The following ELMO1 variants were observed in gnomAD, a reference collection of about 807,000 sequenced individuals.
ELMO1 encodes engulfment and cell motility 1, also known as engulfment and cell motility protein 1.
ELMO1 carries 26 observed loss-of-function variants against 98.9 expected under a neutral mutation model. That is an observed-to-expected ratio of 0.26 (90% CI 0.19 to 0.36). ELMO1 has a LOEUF of 0.36. ELMO1 is among the 10% of genes least tolerant of loss of function. The pLI is 1.00. For missense variants in ELMO1, 627 were observed against 935.2 expected (o/e 0.67, Z 4.30); for synonymous variants, 346 against 346.0 (o/e 1.00, Z 0.00).
At chr7:37,345,643 G>T (rs1324439807) in intron 1 of ELMO1, among the ~76,000 whole-genome samples, 1 of 151,592 alleles carries the variant, frequency 6.6e-6, no homozygotes, top group Non-Finnish European at 1.5e-5. Context: ...GGAGGTGGAG[G>T]TTGCAGGGGA....
intron 15 of ELMO1, among the ~76,000 whole-genome samples, chr7:37,045,671 T>C (rs1172607754): frequency 6.6e-6 from 1 of 152,178 alleles, no homozygotes; most frequent in East Asian, 1.9e-4. Flanking sequence ...ATTTATGCAG[T>C]GCCTCATTCC....
intron 2 of ELMO1, among the ~76,000 whole-genome samples, chr7:37,333,368 A>C (rs1800235268): frequency 6.6e-6 from 1 of 152,224 alleles, no homozygotes; most frequent in Non-Finnish European, 1.5e-5. Context: ...AAGAAAACAT[A>C]GTTAATACAA....
chr7:37,309,270 A>G (rs1237115575), intron 4 of ELMO1, among the ~76,000 whole-genome samples: 1 of 152,186 alleles, frequency 6.6e-6, no homozygotes, highest in African/African-American at 2.4e-5. Flanking sequence ...TTATAGAACC[A>G]TCAGCTCTCA....
chr7:36,895,104 C>T (rs959018235), intron 16 of ELMO1, 87 bp from the exon 17 acceptor site: 24 of 1,490,958 alleles, frequency 1.6e-5, no homozygotes, highest in Non-Finnish European at 2.1e-5. Flanking sequence ...CTCCCTGCTT[C>T]CCTGGTGCCC....
chr7:37,035,493 C>T (rs939277099), intron 15 of ELMO1, among the ~76,000 whole-genome samples: 1 of 152,230 alleles, frequency 6.6e-6, no homozygotes, highest in African/African-American at 2.4e-5. Context: ...TGCTGCATAA[C>T]TGCAGAAACA....
intron 20 of ELMO1, among the ~76,000 whole-genome samples, chr7:36,866,057 C>T (rs928833549): frequency 6.6e-6 from 1 of 152,192 alleles, no homozygotes; most frequent in South Asian, 2.1e-4. Context: ...TTCTCATACA[C>T]CAAATATACT....
At chr7:37,267,438 G>A (rs1281242247) in intron 5 of ELMO1, among the ~76,000 whole-genome samples, 1 of 152,170 alleles carries the variant, frequency 6.6e-6, no homozygotes, top group African/African-American at 2.4e-5. Context: ...AGCCATGCTT[G>A]GGCGCGCGCA....
chr7:37,039,800 A>G (rs1230297651), intron 15 of ELMO1, among the ~76,000 whole-genome samples: 3 of 152,240 alleles, frequency 2.0e-5, no homozygotes, highest in Non-Finnish European at 4.4e-5. Context: ...ATTTGTTGAC[A>G]TGAATTAATC....
At chr7:36,968,204 TATC>T (rs1159612456) in intron 16 of ELMO1, among the ~76,000 whole-genome samples, 2 of 152,192 alleles carry the variant, frequency 1.3e-5, no homozygotes, top group South Asian at 2.1e-4. Context: ...CAACCATTAA[TATC>T]ATCAGCTCAC....
chr7:37,172,750 G>A lies in ELMO1; in HGVS notation c.1086+38636C>T, dbSNP rs142190938. ...TCCAAGTAGTACATTTATATGTTACGCTGAGAAGGAAAATTGCTATCTTCC... is the reference window on the plus strand; with the variant it reads ...TCCAAGTAGTACATTTATATGTTACACTGAGAAGGAAAATTGCTATCTTCC... On this transcript the variant is annotated intron_variant, in intron 13 of 21. Coordinates refer to ENST00000310758, the MANE Select transcript of ELMO1 (RefSeq NM_014800.11). 6.0e-3 allele frequency among the ~76,000 whole-genome samples: 914 copies of A among 152,234 alleles called. 2 individuals carry two copies. Among genetic ancestry groups the A allele is most frequent in the Non-Finnish European group, 8.4e-3 (572 of 68,014 alleles).
At chr7:37,062,843 A>T (rs887884395) in intron 15 of ELMO1, among the ~76,000 whole-genome samples, 1 of 152,172 alleles carries the variant, frequency 6.6e-6, no homozygotes, top group Non-Finnish European at 1.5e-5. Context: ...TCTCCTCAAG[A>T]TGAGGTCCAG....
rs202135895 is a variant in ELMO1, at chr7:36,861,722, G to A, written c.1920C>T (p.Leu640=). ...TTGAGTCATACAAGATGGAGAAAGCGAGTTCAAGCACCTCCTACAAGAGAT... is the reference window on the plus strand; with the variant it reads ...TTGAGTCATACAAGATGGAGAAAGCAAGTTCAAGCACCTCCTACAAGAGAT... ...ALKQNKEVLE[L]AFSILYDSNC... The change falls in exon 21 of 22, where the codon CTC becomes CTT. Residue 640 remains leucine (L), a synonymous_variant. Transcript: ENST00000310758. 3 of 1,612,962 alleles carry A rather than the reference G, an allele frequency of 1.9e-6. No individual in the cohort carries two copies. Among genetic ancestry groups the A allele is most frequent in the Admixed American group, 3.3e-5 (2 of 59,802 alleles).
rs562028967 is a variant in ELMO1 at position 37,160,204 on chromosome 7, G to A, written c.1087-26970C>T. Among the ~76,000 whole-genome samples, 7 of 152,276 alleles carry A rather than the reference G, an allele frequency of 4.6e-5. No individual in the cohort carries two copies. The South Asian group carries it at 1.5e-3, about 32-fold the overall frequency. On this transcript the variant is annotated intron_variant, in intron 13 of 21. Coordinates refer to ENST00000310758, the MANE Select transcript of ELMO1 (RefSeq NM_014800.11). ...GTGCTGTATGCTGGTATGTAAAAGA[G>A]AGCTGAAATATATTTTCAACAATGA...
intron 13 of ELMO1, among the ~76,000 whole-genome samples, chr7:37,166,629 T>G (rs1364577952): frequency 6.6e-6 from 1 of 152,228 alleles, no homozygotes. Flanking sequence ...TTGTTCAGTT[T>G]CCATGTAGTT....
chr7:37,204,374 G>C (rs1024325365), intron 13 of ELMO1: 7 of 370,812 alleles, frequency 1.9e-5, no homozygotes, highest in Non-Finnish European at 3.2e-5. Context: ...CCTTCGCGGT[G>C]AGTGTTACAG....
At chr7:37,227,028 A>C (rs1328963219) in intron 8 of ELMO1, among the ~76,000 whole-genome samples, 4 of 152,216 alleles carry the variant, frequency 2.6e-5, no homozygotes, top group African/African-American at 9.6e-5. Flanking sequence ...AAAAGCCAAA[A>C]ATTAAAAAGG....
At chr7:37,089,834 T>C (rs566754874) in intron 15 of ELMO1, among the ~76,000 whole-genome samples, 30 of 152,284 alleles carry the variant, frequency 2.0e-4, no homozygotes, top group African/African-American at 6.7e-4. Context: ...CAGTTTTCTT[T>C]AGATATCTAA....
intron 2 of ELMO1, among the ~76,000 whole-genome samples, chr7:37,331,123 AGTTG>A (rs1258241580): frequency 6.6e-6 from 1 of 151,780 alleles, no homozygotes; most frequent in African/African-American, 2.4e-5. Flanking sequence ...TTCAGACTGT[AGTTG>A]GTTGGGGAAA....
chr7:37,026,963 A>G (rs892712640), intron 15 of ELMO1, among the ~76,000 whole-genome samples: 5 of 152,024 alleles, frequency 3.3e-5, no homozygotes, highest in African/African-American at 1.2e-4. Context: ...CTCCAGCTAC[A>G]TGCTTTTCTT....
Sources: gnomAD v4.1 joint callset for allele counts (sites outside exome capture counted in the v4.1 genomes callset) on GRCh38, gnomAD v4.1.1 for gene constraint, MANE v1.5 for transcripts, NCBI Gene and HGNC (gene_info 2026-07-23, HGNC 2026-07-21) for gene names.